Variants in KCNK2 observed in about 807,000 individuals in gnomAD.
The protein encoded by KCNK2 is potassium two pore domain channel subfamily K member 2, also known as potassium channel subfamily K member 2.
In KCNK2, 21 loss-of-function variants were observed where a neutral mutation model predicts 40.5. That is an observed-to-expected ratio of 0.52 (90% confidence interval 0.37 to 0.75). The LOEUF (loss-of-function observed/expected upper bound fraction) is 0.75, where lower values mean the gene tolerates loss of function less well. KCNK2 is among the 30% of genes least tolerant of loss of function. The probability of loss-of-function intolerance (pLI) is 0.00; values close to 1 mark genes in which losing one functional copy is unlikely to be tolerated. For missense variants in KCNK2, 399 were observed against 531.6 expected, an observed-to-expected ratio of 0.75 and a Z score of 2.45; for synonymous variants, 191 against 202.2, an observed-to-expected ratio of 0.94 and a Z score of 0.47.
chr1:215,101,553 G>T (rs1660218914), intron 2 of KCNK2, among the ~76,000 whole-genome samples: 1 of 151,516 alleles, frequency 6.6e-6, no homozygotes, highest in Non-Finnish European at 1.5e-5. Context: ...AGGTGAGGGA[G>T]GTAGACCTGG....
chr1:215,011,551 C>G (rs1305118109), intron 1 of KCNK2, among the ~76,000 whole-genome samples: 2 of 152,186 alleles, frequency 1.3e-5, no homozygotes, highest in African/African-American at 4.8e-5. Flanking sequence ...CTCAGCCTCC[C>G]AGAGTGCTGG....
At chr1:215,230,536 TATATATAC>T (rs1666608928) in intron 6 of KCNK2, among the ~76,000 whole-genome samples, 11 of 95,566 alleles carry the variant, frequency 1.2e-4, no homozygotes, top group African/African-American at 4.5e-4. Flanking sequence ...TATATATGTA[TATATATAC>T]ACACACATAA....
intron 3 of KCNK2, among the ~76,000 whole-genome samples, chr1:215,162,521 C>G (rs996773878): frequency 6.6e-6 from 1 of 152,056 alleles, no homozygotes; most frequent in Non-Finnish European, 1.5e-5. Context: ...ATGGTATTGC[C>G]TAGGTTTTCT....
At chr1:215,221,625 A>G (rs1271824103) in intron 6 of KCNK2, among the ~76,000 whole-genome samples, 1 of 152,090 alleles carries the variant, frequency 6.6e-6, no homozygotes, top group Non-Finnish European at 1.5e-5. Context: ...CTTCATGTTA[A>G]GTAGACTTAG....
intron 6 of KCNK2, among the ~76,000 whole-genome samples, chr1:215,203,052 T>G (rs1264849709): frequency 6.6e-6 from 1 of 152,078 alleles, no homozygotes; most frequent in Non-Finnish European, 1.5e-5. Flanking sequence ...TCTTTCCTCT[T>G]TTCTCCTTAT....
intron 6 of KCNK2, among the ~76,000 whole-genome samples, chr1:215,218,511 A>T (rs924075140): frequency 5.9e-5 from 9 of 152,112 alleles, no homozygotes; most frequent in African/African-American, 2.2e-4. Context: ...GTCATTCCTG[A>T]TGCTGTCTTC....
At position 215,196,824 on chromosome 1, in the gene KCNK2, C is replaced by T. The variant is rs144645523; in HGVS notation, c.963+1732C>T. 4.2e-4 allele frequency among the ~76,000 whole-genome samples: 64 copies of T among 152,030 alleles called. 1 individual carries two copies. In the East Asian group the frequency reaches 0.011, roughly 27 times the overall value. Reference sequence around the variant, plus strand: ...AATTGTAGCTAGGGAATGTTTTGGACAACATAGCTAAAAAGAGAACTACTC... The same window carrying T: ...AATTGTAGCTAGGGAATGTTTTGGATAACATAGCTAAAAAGAGAACTACTC... On this transcript the variant is annotated intron_variant, in intron 6 of 6. Coordinates refer to ENST00000444842, the MANE Select transcript of KCNK2 (RefSeq NM_001017425.3).
intron 1 of KCNK2, among the ~76,000 whole-genome samples, chr1:215,021,308 C>T (rs1008967082): frequency 1.3e-5 from 2 of 151,958 alleles, no homozygotes; most frequent in African/African-American, 2.4e-5. Context: ...TTTTAGGTGT[C>T]GGCTTGACTG....
intron 3 of KCNK2, among the ~76,000 whole-genome samples, chr1:215,161,431 T>A (rs562781281): frequency 8.4e-4 from 128 of 152,068 alleles, no homozygotes; most frequent in African/African-American, 2.3e-3. Context: ...TTTTTTTTTT[T>A]AATTATACTT....
intron 5 of KCNK2, among the ~76,000 whole-genome samples, chr1:215,182,743 C>A (rs1664279162): frequency 1.3e-5 from 2 of 152,198 alleles, no homozygotes; most frequent in South Asian, 2.1e-4. Context: ...ACTACTGGGT[C>A]ACCACATAAT....
intron 4 of KCNK2, among the ~76,000 whole-genome samples, chr1:215,170,372 A>G (rs1289826470): frequency 2.0e-5 from 3 of 152,164 alleles, no homozygotes; most frequent in South Asian, 2.1e-4. Context: ...TAAGAATACT[A>G]TGATGATAAA....
intron 6 of KCNK2, among the ~76,000 whole-genome samples, chr1:215,208,083 G>T (rs1177874380): frequency 1.3e-5 from 2 of 152,164 alleles, no homozygotes; most frequent in African/African-American, 4.8e-5. Context: ...AATGTTCACT[G>T]CAACACTATT....
chr1:215,112,470 A>C lies in KCNK2; in HGVS notation c.358-12163A>C, dbSNP rs569140519. Among the ~76,000 whole-genome samples the C allele has an allele frequency of 5.9e-5, 9 of 152,302 alleles. No individual in the cohort carries two copies. In the South Asian group the frequency reaches 1.9e-3, roughly 32 times the overall value. On this transcript the variant is annotated intron_variant, in intron 2 of 6. Coordinates refer to ENST00000444842, the MANE Select transcript of KCNK2 (RefSeq NM_001017425.3). Reference sequence around the variant, plus strand: ...TAGTACAAAAGTCAAAAAATTAAACAGTTTATAAAGTGAAAAATTTACAAT... The same window carrying C: ...TAGTACAAAAGTCAAAAAATTAAACCGTTTATAAAGTGAAAAATTTACAAT...
At chr1:215,050,183 T>C (rs1314218256) in intron 1 of KCNK2, among the ~76,000 whole-genome samples, 1 of 152,156 alleles carries the variant, frequency 6.6e-6, no homozygotes, top group Non-Finnish European at 1.5e-5. Context: ...ATTTTGTAAT[T>C]TTCAGCATAC....
At chr1:215,215,643 G>C (rs1185919084) in intron 6 of KCNK2, among the ~76,000 whole-genome samples, 1 of 152,088 alleles carries the variant, frequency 6.6e-6, no homozygotes, top group Admixed American at 6.6e-5. Flanking sequence ...TGCTACCTTA[G>C]GATACTGTTT....
At chr1:215,177,943 G>A (rs750436038) in intron 5 of KCNK2, among the ~76,000 whole-genome samples, 5 of 151,254 alleles carry the variant, frequency 3.3e-5, no homozygotes, top group Admixed American at 1.3e-4. Context: ...TAGAAATAGC[G>A]TTGAGTCTAT....
chr1:215,146,762 C>G (rs1304540098), intron 3 of KCNK2, among the ~76,000 whole-genome samples: 1 of 152,188 alleles, frequency 6.6e-6, no homozygotes. Flanking sequence ...TAGTTTAAAT[C>G]TCAGCTTTAA....
rs1311765569 is a variant in KCNK2, at chr1:215,236,671, G to A, written c.*1526G>A. The A allele has an allele frequency of 6.6e-6, 1 of 152,072 alleles. No individual in the cohort carries two copies. The highest frequency in any genetic ancestry group is 2.4e-5 in the African/African-American group (1 of 41,330). 9.4% of individuals were successfully genotyped at this position (152,072 alleles called of 1,614,324 possible). A position where few individuals can be genotyped will look rare whatever the true frequency, so the allele number is the denominator to read the frequency against. ...CTTTATTTTCATACTTAGATCTGCTGTACATTGTATATATATATAATTTTT... is the reference window on the plus strand; with the variant it reads ...CTTTATTTTCATACTTAGATCTGCTATACATTGTATATATATATAATTTTT... On this transcript the variant is annotated 3_prime_UTR_variant, in exon 7 of 7. Coordinates refer to ENST00000444842, the MANE Select transcript of KCNK2 (RefSeq NM_001017425.3).
At chr1:215,219,397 G>GA (rs1369815470) in intron 6 of KCNK2, among the ~76,000 whole-genome samples, 2 of 152,076 alleles carry the variant, frequency 1.3e-5, no homozygotes, top group Non-Finnish European at 2.9e-5. Context: ...TAAATAGTTA[G>GA]AAAAAATATA....
Sources: allele counts gnomAD v4.1 joint callset (sites outside exome capture counted in the v4.1 genomes callset), GRCh38; gene constraint gnomAD v4.1.1; transcripts MANE v1.5; gene names NCBI Gene and HGNC (gene_info 2026-07-23, HGNC 2026-07-21).